PCDHGB6: variants seen among roughly 807,000 people sequenced by gnomAD.
The protein encoded by PCDHGB6 is protocadherin gamma-B6.
PCDHGB6 carries 51 observed loss-of-function variants against 59.1 expected under a neutral mutation model. The ratio of observed to expected loss-of-function variants is 0.86; its 90% CI spans 0.69 to 1.09. The LOEUF (loss-of-function observed/expected upper bound fraction) is 1.09. Ranked by LOEUF, PCDHGB6 falls within the 50% of genes least tolerant of loss-of-function variation. The pLI is 0.00. For missense variants in PCDHGB6, 1,148 were observed against 1,205.1 expected, an observed-to-expected ratio of 0.95 and a Z score of 0.70; for synonymous variants, 466 against 495.1, an observed-to-expected ratio of 0.94 and a Z score of 0.78.
chr5:141,421,433 C>A lies in PCDHGB6; in HGVS notation c.2418+10813C>A, dbSNP rs772564300. 5 of 1,614,074 alleles carry A rather than the reference C, an allele frequency of 3.1e-6. No homozygotes were observed. In the African/African-American group the frequency reaches 4.0e-5, roughly 13 times the overall value. On this transcript the variant is annotated intron_variant, in intron 1 of 3. Coordinates refer to ENST00000520790, the MANE Select transcript of PCDHGB6 (RefSeq NM_018926.3). ...GCGAAGCGCGGAGTCCGCATCGTCTCCAGAGGGAAGACACAGCTTTTCGCT... is the reference window on the plus strand; with the variant it reads ...GCGAAGCGCGGAGTCCGCATCGTCTACAGAGGGAAGACACAGCTTTTCGCT...
chr5:141,500,139 CT>C (rs2099796692), intron 2 of PCDHGB6, among the ~76,000 whole-genome samples: 2 of 151,768 alleles, frequency 1.3e-5, no homozygotes, highest in East Asian at 3.9e-4. Context: ...TCTTTCTAAA[CT>C]TTTCTTTGTG....
chr5:141,502,694 G>A (rs1039264846), intron 2 of PCDHGB6, among the ~76,000 whole-genome samples: 5 of 152,180 alleles, frequency 3.3e-5, no homozygotes, highest in African/African-American at 1.2e-4. Flanking sequence ...ATCCTTGCCT[G>A]TATCTGTTTT....
chr5:141,447,541 A>G (rs2098542324), intron 1 of PCDHGB6, among the ~76,000 whole-genome samples: 1 of 152,218 alleles, frequency 6.6e-6, no homozygotes, highest in Non-Finnish European at 1.5e-5. Flanking sequence ...TTGGGTTTTA[A>G]TGTTATGAGT....
intron 1 of PCDHGB6, chr5:141,422,819 T>C (rs369004166): frequency 2.5e-6 from 4 of 1,614,068 alleles, no homozygotes; most frequent in Non-Finnish European, 2.5e-6. Flanking sequence ...GACTTAGAAC[T>C]GAGAGTGATA....
At chr5:141,422,289 T>G in intron 1 of PCDHGB6, 1 of 1,553,678 alleles carries the variant, frequency 6.4e-7, no homozygotes, top group African/African-American at 1.4e-5. Context: ...CCTCTTCTAT[T>G]AATTCAATTC....
intron 1 of PCDHGB6, chr5:141,419,926 G>C (rs1371764532): frequency 7.4e-6 from 12 of 1,613,978 alleles, no homozygotes; most frequent in Non-Finnish European, 8.5e-6. Flanking sequence ...CTGAGATGCA[G>C]TTTTACCTGG....
chr5:141,412,357 T>A (rs756056496), intron 1 of PCDHGB6: 17 of 152,366 alleles, frequency 1.1e-4, no homozygotes, highest in Middle Eastern at 3.4e-3. Context: ...TAGTTTGTGA[T>A]TACCTGCTTA....
chr5:141,456,434 G>A (rs1418917805), intron 1 of PCDHGB6, among the ~76,000 whole-genome samples: 1 of 152,108 alleles, frequency 6.6e-6, no homozygotes, highest in Non-Finnish European at 1.5e-5. Flanking sequence ...TTATAGTATT[G>A]AGTATACAGA....
chr5:141,501,693 G>T (rs1417828433), intron 2 of PCDHGB6, among the ~76,000 whole-genome samples: 1 of 152,028 alleles, frequency 6.6e-6, no homozygotes, highest in Non-Finnish European at 1.5e-5. Context: ...TATCTGCAGG[G>T]TGATTCCGAG....
At position 141,431,783 on chromosome 5, in the gene PCDHGB6, G is replaced by T; in HGVS notation, c.2418+21163G>T. 2 of 1,614,174 alleles carry T rather than the reference G, an allele frequency of 1.2e-6. No homozygotes were observed. Among genetic ancestry groups the T allele is most frequent in the East Asian group, 2.2e-5 (1 of 44,878 alleles). On this transcript the variant is annotated intron_variant, in intron 1 of 3. Transcript: ENST00000520790. The surrounding 1 kb of genome is among the most constrained non-coding windows in gnomAD (Gnocchi z 4.8). Reference sequence around the variant, plus strand: ...CCTGATCACTGTTCTGGACGTGAACGACAATGCCCCAGAAGTGGTCCTCAC... The same window carrying T: ...CCTGATCACTGTTCTGGACGTGAACTACAATGCCCCAGAAGTGGTCCTCAC...
In PCDHGB6 at chr5:141,409,919, G is replaced by A; in HGVS notation, c.1717G>A (p.Ala573Thr). 6.2e-7 allele frequency: 1 copy of A among 1,613,346 alleles called. No individual in the cohort carries two copies. The highest frequency in any genetic ancestry group is 8.5e-7 in the Non-Finnish European group (1 of 1,179,758). The change falls in exon 1 of 4, where the codon GCG becomes ACG. Residue 573 changes from alanine (A) to threonine (T), a missense_variant. By Grantham distance (58) the Ala-to-Thr change is moderately conservative. Transcript: ENST00000520790. ...CCCAGCTCTGGGTCCTGACGGCTCCGCGTTCTTCGATATGGTACCTCGCTC... is the reference window on the plus strand; with the variant it reads ...CCCAGCTCTGGGTCCTGACGGCTCCACGTTCTTCGATATGGTACCTCGCTC... ...LYPALGPDGS[A>T]FFDMVPRSAE...
At position 141,487,047 on chromosome 5, in the gene PCDHGB6, C is replaced by T; in HGVS notation, c.2419-7760C>T. The T allele has an allele frequency of 6.2e-7, 1 of 1,614,188 alleles. No individual in the cohort carries two copies. Among genetic ancestry groups the T allele is most frequent in the Non-Finnish European group, 8.5e-7 (1 of 1,180,032 alleles). ...AGCCTGTTTGCAGTCTCTCGATATGCTGGGGAGGTGCGGACGGCTGTTCCT... is the reference window on the plus strand; with the variant it reads ...AGCCTGTTTGCAGTCTCTCGATATGTTGGGGAGGTGCGGACGGCTGTTCCT... On this transcript the variant is annotated intron_variant, in intron 1 of 3. Coordinates refer to ENST00000520790, the MANE Select transcript of PCDHGB6 (RefSeq NM_018926.3). This position sits in a 1 kb window ranked among gnomAD's most constrained non-coding sequence, Gnocchi z 5.0.
At chr5:141,425,640 C>G (rs2096886863) in intron 1 of PCDHGB6, among the ~76,000 whole-genome samples, 1 of 152,206 alleles carries the variant, frequency 6.6e-6, no homozygotes, top group Non-Finnish European at 1.5e-5. Flanking sequence ...TCTGATAAAA[C>G]TAGGAGGAAA....
chr5:141,421,709 C>T, intron 1 of PCDHGB6: 1 of 1,613,926 alleles, frequency 6.2e-7, no homozygotes, highest in Non-Finnish European at 8.5e-7. Flanking sequence ...GCTAGGGATC[C>T]AGATGTGGGC....
intron 1 of PCDHGB6, chr5:141,442,491 T>G (rs1438583747): frequency 6.6e-6 from 1 of 152,236 alleles, no homozygotes; most frequent in Non-Finnish European, 1.5e-5. Flanking sequence ...AGGGGATGAT[T>G]GTGATTATTC....
At chr5:141,479,328 G>C (rs568506786) in intron 1 of PCDHGB6, 3 of 152,536 alleles carry the variant, frequency 2.0e-5, no homozygotes, top group African/African-American at 7.2e-5. Context: ...CAGACTCAGT[G>C]GTGTGCACCT....
intron 2 of PCDHGB6, among the ~76,000 whole-genome samples, chr5:141,503,334 C>T (rs2099819255): frequency 6.6e-6 from 1 of 152,072 alleles, no homozygotes; most frequent in Admixed American, 6.6e-5. Context: ...CGGTGGCTCA[C>T]GCCTGTAATT....
chr5:141,451,576 C>G (rs997933491), intron 1 of PCDHGB6, among the ~76,000 whole-genome samples: 10 of 152,164 alleles, frequency 6.6e-5, no homozygotes, highest in Middle Eastern at 3.4e-3. Context: ...TTTTTATAAA[C>G]CTAATTTTGA....
chr5:141,409,227 A>G lies in PCDHGB6; in HGVS notation c.1025A>G (p.Asp342Gly), dbSNP rs2095244126. Residue 342 changes from aspartate (D) to glycine (G), a missense_variant, in exon 1 of 4, where the codon GAC (aspartate) becomes GGC (glycine). By Grantham distance (94) the Asp-to-Gly change is moderately conservative (BLOSUM62 -1). This residue lies in a region of PCDHGB6 where 549 missense variants were observed against 527.5 expected (regional missense o/e 1.04). Coordinates refer to ENST00000520790, the MANE Select transcript of PCDHGB6 (RefSeq NM_018926.3). ...KVIIEILDEN[D>G]NSPEIIITSL... Reference sequence around the variant, plus strand: ...ATCATAGAAATCCTTGATGAAAACGACAACAGCCCAGAAATAATCATCACT... The same window carrying G: ...ATCATAGAAATCCTTGATGAAAACGGCAACAGCCCAGAAATAATCATCACT... 1 of 1,613,922 alleles carries G rather than the reference A, an allele frequency of 6.2e-7. No homozygotes were observed. The highest frequency in any genetic ancestry group is 1.3e-5 in the African/African-American group (1 of 74,944).
Sources: allele counts gnomAD v4.1 joint callset (sites outside exome capture counted in the v4.1 genomes callset), GRCh38; gene constraint gnomAD v4.1.1; regional missense constraint gnomAD v4.1.1; non-coding constraint Gnocchi (gnomAD v3.1); transcripts MANE v1.5; gene names NCBI Gene and HGNC (gene_info 2026-07-23, HGNC 2026-07-21).